Variants in DHX57 observed in about 807,000 individuals in gnomAD.
DHX57 encodes DExH-box helicase 57.
DHX57 carries 105 observed loss-of-function variants against 156.2 expected under a neutral mutation model. The ratio of observed to expected loss-of-function variants is 0.67; its 90% CI spans 0.57 to 0.79. The LOEUF is 0.79. Ranked by LOEUF, DHX57 falls within the 30% of genes least tolerant of loss-of-function variation. The pLI is 0.00. For missense variants in DHX57, 1,847 were observed against 1,661.9 expected (o/e 1.11, Z -1.94); for synonymous variants, 704 against 595.6 (o/e 1.18, Z -2.65).
chr2:38,847,340 TC>T (rs746372415), intron 10 of DHX57, among the ~76,000 whole-genome samples: 15 of 151,834 alleles, frequency 9.9e-5, no homozygotes, highest in Non-Finnish European at 2.9e-5. Context: ...CATACCCTCC[TC>T]CCCTGCCCCC....
intron 10 of DHX57, among the ~76,000 whole-genome samples, chr2:38,847,447 T>C (rs1159054011): frequency 6.6e-6 from 1 of 152,212 alleles, no homozygotes; most frequent in Non-Finnish European, 1.5e-5. Flanking sequence ...GCATTCCCTA[T>C]AACTAAAACA....
chr2:38,868,193 C>A lies in DHX57; in HGVS notation c.213G>T (p.Arg71Ser). Reference sequence around the variant, plus strand: ...AGAGTTATAATGACCTGGAAGGGCGCCTTGATTCACTGAAGATACAAAAGT... The same window carrying A: ...AGAGTTATAATGACCTGGAAGGGCGACTTGATTCACTGAAGATACAAAAGT... ...GDDFCIFSES[R>S]RPSRPSNSNI... Residue 71 changes from arginine (R) to serine (S), a missense_variant, in exon 2 of 24, where the codon AGG becomes AGT. Coordinates refer to ENST00000457308, the MANE Select transcript of DHX57 (RefSeq NM_198963.3). 1.2e-6 allele frequency: 2 copies of A among 1,613,958 alleles called. No individual in the cohort carries two copies. The highest frequency in any genetic ancestry group is 1.7e-6 in the Non-Finnish European group (2 of 1,180,008).
At chr2:38,847,318 T>G (rs1463075187) in intron 10 of DHX57, among the ~76,000 whole-genome samples, 1 of 152,180 alleles carries the variant, frequency 6.6e-6, no homozygotes, top group Non-Finnish European at 1.5e-5. Context: ...TTCTTTTACC[T>G]GTTACACCTT....
At chr2:38,837,200 C>T (rs1371791330) in intron 13 of DHX57, among the ~76,000 whole-genome samples, 2 of 152,024 alleles carry the variant, frequency 1.3e-5, no homozygotes, top group African/African-American at 4.8e-5. Flanking sequence ...ATCTACTGAG[C>T]CTTAACTATA....
At position 38,847,056 on chromosome 2, in the gene DHX57, C is replaced by G. The variant is rs2124890158; in HGVS notation, c.2182G>C (p.Asp728His). Residue 728 changes from aspartate (D) to histidine (H), a missense_variant, in exon 11 of 24, where the codon GAT becomes CAT. Asp to His is a moderately conservative substitution (Grantham distance 81). Coordinates refer to ENST00000457308, the MANE Select transcript of DHX57 (RefSeq NM_198963.3). ...ATTGCATCTTCCAAAAAAAATTGAT[C>G]AACAGGAAATGTACGACCTAGAAAA... The part of the protein sequence containing the change: ...ITIPGRTFPV[D>H]QFFLEDAIAV... 2 of 1,613,430 alleles carry G rather than the reference C, an allele frequency of 1.2e-6. No homozygotes were observed. Among genetic ancestry groups the G allele is most frequent in the East Asian group, 4.5e-5 (2 of 44,832 alleles).
At chr2:38,843,569 G>C (rs1279157237) in intron 11 of DHX57, among the ~76,000 whole-genome samples, 4 of 152,158 alleles carry the variant, frequency 2.6e-5, no homozygotes, top group Non-Finnish European at 5.9e-5. Flanking sequence ...TTCCCAGGCA[G>C]CTGATTTCCT....
In DHX57 at chr2:38,868,362, C is replaced by T; in HGVS notation, c.44G>A (p.Gly15Asp). The change falls in exon 2 of 24, where the codon GGT becomes GAT. Residue 15 changes from glycine to aspartate, a missense_variant. Gly to Asp is a moderately conservative substitution (Grantham distance 94). Transcript: ENST00000457308. ...TCCTCCTCTAGAAGACCCTTTTCCACCTCCTTTGCCTGGCTTGCCTTTTCT... is the reference window on the plus strand; with the variant it reads ...TCCTCCTCTAGAAGACCCTTTTCCATCTCCTTTGCCTGGCTTGCCTTTTCT... ...VRRKGKPGKG[G>D]GKGSSRGGRG... The T allele has an allele frequency of 6.2e-7, 1 of 1,613,730 alleles. No individual in the cohort carries two copies. The highest frequency in any genetic ancestry group is 2.2e-5 in the East Asian group (1 of 44,886).
intron 5 of DHX57, among the ~76,000 whole-genome samples, chr2:38,859,793 G>C (rs1673092367): frequency 6.8e-6 from 1 of 147,258 alleles, no homozygotes; most frequent in Non-Finnish European, 1.5e-5. Flanking sequence ...AAGAAAGATA[G>C]ATGGCAACCA....
At chr2:38,841,800 T>G (rs78275935) in intron 12 of DHX57, among the ~76,000 whole-genome samples, 1 of 152,172 alleles carries the variant, frequency 6.6e-6, no homozygotes, top group South Asian at 2.1e-4. Context: ...TTAGCTTATA[T>G]GGATAGAAGA....
chr2:38,801,628 C>G (rs1669686795), intron 23 of DHX57, among the ~76,000 whole-genome samples: 1 of 143,562 alleles, frequency 7.0e-6, no homozygotes, highest in Non-Finnish European at 1.5e-5. Flanking sequence ...GAGTTTCCCT[C>G]TTGTTGCTCA....
At chr2:38,829,341 A>G (rs1422991522) in intron 13 of DHX57, among the ~76,000 whole-genome samples, 1 of 148,908 alleles carries the variant, frequency 6.7e-6, no homozygotes, top group Admixed American at 6.8e-5. Context: ...AAGTGCAATG[A>G]TGTGATCTCA....
At chr2:38,862,423 G>T (rs1673283685) in intron 3 of DHX57, 90 bp from the exon 4 acceptor site, 2 of 1,242,438 alleles carry the variant, frequency 1.6e-6, no homozygotes, top group East Asian at 2.6e-5. Context: ...TTAATTCATA[G>T]GATCCTGACT....
In DHX57 at chr2:38,825,994, G is replaced by C. The variant is rs761607666; in HGVS notation, c.2867C>G (p.Ala956Gly). 1.9e-6 allele frequency: 3 copies of C among 1,614,184 alleles called. No homozygotes were observed. The South Asian group carries it at 3.3e-5, about 18-fold the overall frequency. Reference sequence around the variant, plus strand: ...TCGGCCTTTCCTTTGTAGAGCATTAGCTTGAGATACAAAGGTGTCCTCTAG... The same window carrying C: ...TCGGCCTTTCCTTTGTAGAGCATTACCTTGAGATACAAAGGTGTCCTCTAG... ...ESLEDTFVSQ[A>G]NALQRKGRAG... is the part of the protein sequence containing the mutation. The change falls in exon 16 of 24, where the codon GCT (alanine) becomes GGT (glycine). Residue 956 changes from alanine (A) to glycine (G), a missense_variant. Coordinates refer to ENST00000457308, the MANE Select transcript of DHX57 (RefSeq NM_198963.3).
At position 38,862,257 on chromosome 2, in the gene DHX57, C is replaced by G. The variant is rs1225478200; in HGVS notation, c.460G>C (p.Glu154Gln). ...NDERYWPAGQ[E>Q]PSLVPDLDPL... ...TCCAAGTCGGGAACGAGGGAAGGTT[C>G]CTGTCCAGCTGGCCAGTACCGCTCA... Residue 154 changes from glutamate to glutamine, a missense_variant, in exon 4 of 24, where the codon GAA (glutamate) becomes CAA (glutamine). Physicochemically the swap from Glu to Gln is conservative, Grantham distance 29. Transcript: ENST00000457308. The G allele has an allele frequency of 6.2e-7, 1 of 1,613,980 alleles. No individual in the cohort carries two copies.
chr2:38,828,221 G>T (rs537627860), intron 14 of DHX57, 119 bp downstream of exon 14: 2 of 622,220 alleles, frequency 3.2e-6, no homozygotes, highest in African/African-American at 1.9e-5. Flanking sequence ...CTCATTTCCA[G>T]CTGGCATAAA....
intron 10 of DHX57, 60 bp from the exon 11 acceptor site, chr2:38,847,133 T>C: frequency 7.8e-7 from 1 of 1,286,050 alleles, no homozygotes; most frequent in Non-Finnish European, 1.1e-6. Flanking sequence ...CATCTTGAAA[T>C]AGTTTATATA....
chr2:38,861,481 T>C lies in DHX57; in HGVS notation c.929A>G (p.Lys310Arg), dbSNP rs747546644. The C allele has an allele frequency of 6.2e-7, 1 of 1,614,102 alleles. No homozygotes were observed. Among genetic ancestry groups the C allele is most frequent in the Non-Finnish European group, 8.5e-7 (1 of 1,180,024 alleles). The change falls in exon 5 of 24, where the codon AAA becomes AGA. Residue 310 changes from lysine (K) to arginine (R), a missense_variant. By Grantham distance (26) the Lys-to-Arg change is conservative. Transcript: ENST00000457308. ...NSLEICKFYL[K>R]GNCKFGSKCR... ...TTTTGATCCAAATTTACAATTTCCT[T>C]TGAGGTAAAATTTACAGATTTCAAG...
At position 38,822,987 on chromosome 2, in the gene DHX57, A is replaced by C. The variant is rs763429198; in HGVS notation, c.3291+6T>G. 6.2e-6 allele frequency: 10 copies of C among 1,613,438 alleles called. No homozygotes were observed. Among genetic ancestry groups the C allele is most frequent in the Non-Finnish European group, 6.8e-6 (8 of 1,179,560 alleles). On this transcript the variant is annotated splice_donor_region_variant and intron_variant, in intron 17 of 23. Transcript: ENST00000457308. Reference sequence around the variant, plus strand: ...ACTCCAGTTTAGATGAATGTTGTTTACTTACAAACGGAGACTTAAAAGCCA... The same window carrying C: ...ACTCCAGTTTAGATGAATGTTGTTTCCTTACAAACGGAGACTTAAAAGCCA...
chr2:38,833,470 G>C (rs1671487219), intron 13 of DHX57, among the ~76,000 whole-genome samples: 1 of 152,032 alleles, frequency 6.6e-6, no homozygotes, highest in African/African-American at 2.4e-5. Flanking sequence ...ATAGAGTAAG[G>C]GGATTGGGGC....
Sources: gnomAD v4.1 joint callset for allele counts (sites outside exome capture counted in the v4.1 genomes callset) on GRCh38, gnomAD v4.1.1 for gene constraint, MANE v1.5 for transcripts, NCBI Gene and HGNC (gene_info 2026-07-23, HGNC 2026-07-21) for gene names.